The following NAV3 variants were observed in gnomAD, a reference collection of about 807,000 sequenced individuals.
The protein encoded by NAV3 is pore membrane and/or filament interacting like protein 1.
NAV3 carries 87 observed loss-of-function variants against 244.7 expected under a neutral mutation model. The observed-to-expected ratio is 0.36, with a 90% CI of 0.30 to 0.42. The LOEUF (loss-of-function observed/expected upper bound fraction) is 0.42. NAV3 is among the 20% of genes least tolerant of loss of function. The pLI is 1.00. For synonymous variants in NAV3, 1,126 were observed against 1,042.2 expected (o/e 1.08, Z -1.55); for missense variants, 2,663 against 2,893.3 (o/e 0.92, Z 1.83).
chr12:78,088,845 A>G (rs1953774207), intron 12 of NAV3: 1 of 152,036 alleles, frequency 6.6e-6, no homozygotes, highest in Admixed American at 6.6e-5. Flanking sequence ...TAGACATGTC[A>G]TACTAGCAAA....
At chr12:77,894,721 T>C (rs1339839586) in intron 1 of NAV3, among the ~76,000 whole-genome samples, 1 of 152,100 alleles carries the variant, frequency 6.6e-6, no homozygotes, top group Non-Finnish European at 1.5e-5. Context: ...CAACAGAATG[T>C]GGTAGGGAGA....
At chr12:77,884,245 T>C (rs1157885418) in intron 1 of NAV3, among the ~76,000 whole-genome samples, 1 of 152,046 alleles carries the variant, frequency 6.6e-6, no homozygotes, top group Non-Finnish European at 1.5e-5. Context: ...GATGGATGGT[T>C]GGATGGATAG....
At chr12:78,080,524 T>C (rs1415759597) in intron 12 of NAV3, among the ~76,000 whole-genome samples, 2 of 152,246 alleles carry the variant, frequency 1.3e-5, no homozygotes, top group African/African-American at 4.8e-5. Flanking sequence ...ATTCCATTGT[T>C]GTTGTAATGA....
At chr12:77,941,763 T>A (rs545017945) in intron 3 of NAV3, among the ~76,000 whole-genome samples, 1 of 152,266 alleles carries the variant, frequency 6.6e-6, no homozygotes, top group African/African-American at 2.4e-5. Context: ...AAAAATATGT[T>A]TCTTAATTAA....
rs552418518 is a variant in NAV3, at chr12:77,964,046, C to T, written c.415-2183C>T. 2.0e-5 allele frequency among the ~76,000 whole-genome samples: 3 copies of T among 149,142 alleles called. No homozygotes were observed. The South Asian group carries it at 6.5e-4, about 32-fold the overall frequency. Reference sequence around the variant, plus strand: ...CCTCCTCCTCCTTTTTCTCCTTCTCCTTCTTCTTTCTTTCCTTATCCTTCT... The same window carrying T: ...CCTCCTCCTCCTTTTTCTCCTTCTCTTTCTTCTTTCTTTCCTTATCCTTCT... On this transcript the variant is annotated intron_variant, in intron 3 of 39. Transcript: ENST00000397909.
intron 1 of NAV3, among the ~76,000 whole-genome samples, chr12:77,905,274 A>G (rs939295935): frequency 6.6e-6 from 1 of 152,120 alleles, no homozygotes; most frequent in African/African-American, 2.4e-5. Context: ...TATTACTAGC[A>G]GTATTTAAGT....
chr12:78,017,866 C>A (rs1566023155), intron 8 of NAV3, among the ~76,000 whole-genome samples: 2 of 152,146 alleles, frequency 1.3e-5, no homozygotes, highest in African/African-American at 4.8e-5. Flanking sequence ...AAAGGTACAT[C>A]TTTACCAGTT....
chr12:78,159,965 G>A (rs1957457980), intron 23 of NAV3, among the ~76,000 whole-genome samples: 1 of 152,074 alleles, frequency 6.6e-6, no homozygotes, highest in South Asian at 2.1e-4. Flanking sequence ...ACTAAATCCA[G>A]CTATAGGGCA....
intron 2 of NAV3, among the ~76,000 whole-genome samples, chr12:77,615,152 T>G (rs940995104): frequency 2.6e-5 from 4 of 152,214 alleles, no homozygotes; most frequent in African/African-American, 9.6e-5. Context: ...TCAACTTGGA[T>G]TTCTGAAGCC....
chr12:77,643,163 G>T (rs777151819), intron 2 of NAV3, among the ~76,000 whole-genome samples: 3 of 151,546 alleles, frequency 2.0e-5, no homozygotes, highest in Non-Finnish European at 2.9e-5. Flanking sequence ...TAAATTCCTC[G>T]TATGTTCTGT....
At chr12:78,172,834 A>AT (rs1453213600) in intron 24 of NAV3, among the ~76,000 whole-genome samples, 4 of 151,682 alleles carry the variant, frequency 2.6e-5, no homozygotes, top group Non-Finnish European at 4.4e-5. Flanking sequence ...TAGAAGTTGG[A>AT]TTTTTTATCT....
intron 2 of NAV3, among the ~76,000 whole-genome samples, chr12:77,598,794 C>T (rs1260652276): frequency 6.6e-6 from 1 of 151,918 alleles, no homozygotes; most frequent in African/African-American, 2.4e-5. Context: ...AATTGTCCAT[C>T]ACCTCTAAAA....
intron 9 of NAV3, among the ~76,000 whole-genome samples, chr12:78,035,040 C>T (rs908107749): frequency 6.6e-6 from 1 of 152,112 alleles, no homozygotes; most frequent in African/African-American, 2.4e-5. Context: ...CTTTTCATAT[C>T]TATAAAATGG....
intron 12 of NAV3, among the ~76,000 whole-genome samples, chr12:78,064,462 C>CCTGCCTGTCTGT (rs1264124497): frequency 2.0e-5 from 3 of 150,082 alleles, no homozygotes; most frequent in South Asian, 4.2e-4. Flanking sequence ...TGCCTGCCTG[C>CCTGCCTGTCTGT]CTGTCTGTCT....
chr12:78,192,203 T>C (rs1054803343), intron 34 of NAV3, among the ~76,000 whole-genome samples: 1 of 151,992 alleles, frequency 6.6e-6, no homozygotes, highest in South Asian at 2.1e-4. Flanking sequence ...TTAACTTTTT[T>C]ATGAAATATT....
At chr12:77,758,606 G>C (rs1869309309) in intron 2 of NAV3, among the ~76,000 whole-genome samples, 1 of 152,120 alleles carries the variant, frequency 6.6e-6, no homozygotes, top group Non-Finnish European at 1.5e-5. Flanking sequence ...AGTCTAAATA[G>C]CTAGAAATTG....
chr12:77,600,367 C>T (rs2136765016), intron 2 of NAV3, among the ~76,000 whole-genome samples: 1 of 152,018 alleles, frequency 6.6e-6, no homozygotes, highest in African/African-American at 2.4e-5. Flanking sequence ...CTCTCTCTTA[C>T]TAAAGTTTCT....
rs11106495 is a variant in NAV3, at chr12:77,741,221, G to A, written c.72+168955G>A. Among the ~76,000 whole-genome samples the A allele has an allele frequency of 4.0e-3, 591 of 149,242 alleles. 2 individuals are homozygous for A. Among genetic ancestry groups the A allele is most frequent in the African/African-American group, 0.012 (504 of 40,686 alleles). On this transcript the variant is annotated intron_variant, in intron 2 of 8. Coordinates refer to the NAV3 transcript ENST00000550042. ...AGTTGGCAAAGATAGAGAAGGAAGC[G>A]GGGGGAAGGAGAAACCGAAAAAAAA...
intron 35 of NAV3, 70 bp downstream of exon 35, chr12:78,197,471 G>T: frequency 8.8e-7 from 1 of 1,131,786 alleles, no homozygotes; most frequent in South Asian, 2.0e-5. Context: ...TCTTGTACCT[G>T]TATGCATTTT....
Sources: allele counts gnomAD v4.1 joint callset (sites outside exome capture counted in the v4.1 genomes callset), GRCh38; gene constraint gnomAD v4.1.1; transcripts MANE v1.5; gene names NCBI Gene and HGNC (gene_info 2026-07-23, HGNC 2026-07-21).